CFAP53: variants seen among roughly 807,000 people sequenced by gnomAD.
CFAP53 encodes cilia- and flagella-associated protein 53.
In CFAP53, 62 loss-of-function variants were observed where a neutral mutation model predicts 59.7. The ratio of observed to expected loss-of-function variants is 1.04; its 90% CI spans 0.85 to 1.28. The LOEUF (loss-of-function observed/expected upper bound fraction) is 1.28, where lower values mean the gene tolerates loss of function less well. CFAP53 is among the 50% of genes most tolerant of loss of function. The probability of loss-of-function intolerance (pLI) is 0.00; values close to 1 mark genes in which losing one functional copy is unlikely to be tolerated. For missense variants in CFAP53, 629 were observed against 615.6 expected (o/e 1.02, Z -0.23); for synonymous variants, 218 against 205.7 (o/e 1.06, Z -0.51).
At chr18:50,228,941 A>T (rs2033553451) in intron 7 of CFAP53, among the ~76,000 whole-genome samples, 1 of 152,166 alleles carries the variant, frequency 6.6e-6, no homozygotes, top group African/African-American at 2.4e-5. Context: ...CTGTACAAAA[A>T]AATAAAAAAC....
intron 4 of CFAP53, among the ~76,000 whole-genome samples, 191 bp from the exon 5 acceptor site, chr18:50,251,167 A>G (rs1039074284): frequency 1.3e-5 from 2 of 152,244 alleles, no homozygotes; most frequent in African/African-American, 4.8e-5. Flanking sequence ...TTGCCTGGGC[A>G]TGTGTGATTA....
At chr18:50,242,673 A>C (rs182164893) in intron 6 of CFAP53, among the ~76,000 whole-genome samples, 125 of 152,314 alleles carry the variant, frequency 8.2e-4, no homozygotes, top group African/African-American at 2.8e-3. Context: ...CAAATGATGT[A>C]CTGTTCCTTT....
chr18:50,261,381 TG>T (rs1411414955), intron 2 of CFAP53, 144 bp from the exon 3 acceptor site: 2 of 992,710 alleles, frequency 2.0e-6, no homozygotes, highest in Non-Finnish European at 2.7e-6. Flanking sequence ...CTGGTTGGTT[TG>T]TTTTTTTGTT....
intron 7 of CFAP53, among the ~76,000 whole-genome samples, chr18:50,237,628 C>T (rs1485342449): frequency 7.9e-5 from 12 of 151,778 alleles, no homozygotes; most frequent in South Asian, 2.1e-4. Context: ...TCAGAGAAGC[C>T]GGGTCCTCTT....
intron 5 of CFAP53, among the ~76,000 whole-genome samples, chr18:50,244,681 A>T (rs919226298): frequency 6.6e-6 from 1 of 152,144 alleles, no homozygotes; most frequent in South Asian, 2.1e-4. Flanking sequence ...AAAGAGCATG[A>T]CAGCCCACTT....
chr18:50,266,430 C>T lies in CFAP53; in HGVS notation c.-26G>A, dbSNP rs758737866. The stretch of plus-strand genomic sequence containing the variant: ...TTTCGAGTCCCCTTCGGGACGGGGG[C>T]GGCGTCCGCCGCGTTTCCCCCAACC... On this transcript the variant is annotated 5_prime_UTR_variant, in exon 1 of 8. Transcript: ENST00000398545. The T allele has an allele frequency of 1.2e-6, 2 of 1,611,998 alleles. No homozygotes were observed. Among genetic ancestry groups the T allele is most frequent in the East Asian group, 2.2e-5 (1 of 44,886 alleles).
chr18:50,251,126 C>G (rs973338257), intron 4 of CFAP53, 150 bp from the exon 5 acceptor site: 50 of 693,230 alleles, frequency 7.2e-5, no homozygotes, highest in Non-Finnish European at 1.2e-4. Flanking sequence ...CCTTCCTTTT[C>G]GTAGCTGAGT....
At position 50,250,942 on chromosome 18, in the gene CFAP53, T is replaced by A. The variant is rs1274816833; in HGVS notation, c.812A>T (p.Glu271Val). 6.2e-7 allele frequency: 1 copy of A among 1,614,184 alleles called. No individual in the cohort carries two copies. Among genetic ancestry groups the A allele is most frequent in the Admixed American group, 1.7e-5 (1 of 60,026 alleles). The change falls in exon 5 of 8, where the codon GAA becomes GTA. Residue 271 changes from glutamate to valine, a missense_variant. Glu to Val is a moderately radical substitution (Grantham distance 121). Transcript: ENST00000398545. ...CTTCTGTTTCTTTAGCATATCCTGT[T>A]CATTCTCATGTTTAATCTGTGCGTT... is the stretch of plus-strand genomic sequence containing the variant. ...SNNAQIKHENEQDMLKKQKAK... is the reference protein window; with the variant it reads ...SNNAQIKHENVQDMLKKQKAK...
At position 50,250,838 on chromosome 18, in the gene CFAP53, C is replaced by A; in HGVS notation, c.916G>T (p.Glu306Ter). The change falls in exon 5 of 8, where the codon GAA (glutamate) becomes TAA (stop). Residue 306 changes from glutamate to a stop codon, truncating the protein, a stop_gained. Coordinates refer to ENST00000398545, the MANE Select transcript of CFAP53 (RefSeq NM_145020.5). LOFTEE classifies it high-confidence loss of function. ...IEHIQQEYRD[E>*]QDLNMKLVQR... is the part of the protein sequence containing the mutation. ...ACGAGCTTCATGTTCAAGTCCTGTT[C>A]GTCTCTGTATTCCTGCTGAATATGT... is the stretch of plus-strand genomic sequence containing the variant. 6.2e-7 allele frequency: 1 copy of A among 1,614,152 alleles called. No homozygotes were observed. The highest frequency in any genetic ancestry group is 8.5e-7 in the Non-Finnish European group (1 of 1,179,998).
At chr18:50,228,910 G>T (rs1199821935) in intron 7 of CFAP53, among the ~76,000 whole-genome samples, 1 of 151,970 alleles carries the variant, frequency 6.6e-6, no homozygotes, top group African/African-American at 2.4e-5. Context: ...GACCAGCCTG[G>T]GCAACATAGG....
Position 50,244,811 on chromosome 18 carries a change from A to G in CFAP53, c.997-1695T>C, listed in dbSNP as rs1455030558. On this transcript the variant is annotated intron_variant, in intron 5 of 7. Coordinates refer to ENST00000398545, the MANE Select transcript of CFAP53 (RefSeq NM_145020.5). ...CATGGTGGCTCATGCCTGTAATCCCAGCACTTTCGGAGGCTGAGGTGGGCA... is the reference window on the plus strand; with the variant it reads ...CATGGTGGCTCATGCCTGTAATCCCGGCACTTTCGGAGGCTGAGGTGGGCA... Among the ~76,000 whole-genome samples, 7 of 152,280 alleles carry G rather than the reference A, an allele frequency of 4.6e-5. No homozygotes were observed. In the East Asian group the frequency reaches 1.4e-3, roughly 29 times the overall value.
intron 6 of CFAP53, among the ~76,000 whole-genome samples, chr18:50,239,100 G>A (rs1364359193): frequency 1.3e-5 from 2 of 149,496 alleles, no homozygotes; most frequent in Non-Finnish European, 3.0e-5. Flanking sequence ...AATATATAAA[G>A]CTCTTGGCTG....
Position 50,261,100 on chromosome 18 carries a change from T to C in CFAP53, c.437A>G (p.Gln146Arg). 6.2e-7 allele frequency: 1 copy of C among 1,602,158 alleles called. No homozygotes were observed. Among genetic ancestry groups the C allele is most frequent in the South Asian group, 1.2e-5 (1 of 86,914 alleles). The stretch of plus-strand genomic sequence containing the variant: ...GTCTAGCTTTTCAGCCACAAAATCC[T>C]GCCTCTCTTTTTCATTCTTCTCTTT... ...LLKEKNEKER[Q>R]DFVAEKLDQQ... The change falls in exon 3 of 8, where the codon CAG becomes CGG. Residue 146 changes from glutamine (Q) to arginine (R), a missense_variant. Coordinates refer to ENST00000398545, the MANE Select transcript of CFAP53 (RefSeq NM_145020.5).
chr18:50,242,985 G>C lies in CFAP53; in HGVS notation c.1128C>G (p.Asp376Glu). 6.2e-7 allele frequency: 1 copy of C among 1,613,934 alleles called. No individual in the cohort carries two copies. Among genetic ancestry groups the C allele is most frequent in the Non-Finnish European group, 8.5e-7 (1 of 1,179,988 alleles). ...EDKAKKLAEK[D>E]KELRLEKEAR... The stretch of plus-strand genomic sequence containing the variant: ...CCTCCTTTTCAAGTCTCAGCTCCTT[G>C]TCCTTCTCAGCCAACTTCTTTGCCT... The change falls in exon 6 of 8, where the codon GAC becomes GAG. Residue 376 changes from aspartate (D) to glutamate (E), a missense_variant. Asp to Glu is a conservative substitution (Grantham distance 45, BLOSUM62 2). Transcript: ENST00000398545.
At chr18:50,261,355 C>T (rs764227583) in intron 2 of CFAP53, 118 bp from the exon 3 acceptor site, 139 of 1,149,158 alleles carry the variant, frequency 1.2e-4, no homozygotes, top group Middle Eastern at 6.0e-4. Flanking sequence ...TCACTGCAGT[C>T]TTCCACAGAA....
intron 7 of CFAP53, among the ~76,000 whole-genome samples, chr18:50,236,427 T>A (rs2033634192): frequency 6.6e-6 from 1 of 152,242 alleles, no homozygotes; most frequent in South Asian, 2.1e-4. Context: ...TCTATCTCCA[T>A]CTCCTTGAAT....
intron 5 of CFAP53, 57 bp downstream of exon 5, chr18:50,250,701 G>A: frequency 7.2e-7 from 1 of 1,384,680 alleles, no homozygotes; most frequent in South Asian, 1.2e-5. Context: ...CCACAAGACT[G>A]AGAACTCAGT....
chr18:50,246,381 A>C (rs1160853520), intron 5 of CFAP53, among the ~76,000 whole-genome samples: 1 of 152,230 alleles, frequency 6.6e-6, no homozygotes, highest in African/African-American at 2.4e-5. Context: ...GAACAATTAG[A>C]GAATTATTTC....
chr18:50,247,270 C>T (rs74913825), intron 5 of CFAP53, among the ~76,000 whole-genome samples: 2,277 of 152,196 alleles, frequency 0.015, 31 homozygotes, highest in South Asian at 0.043. Flanking sequence ...AATTCAGATG[C>T]ATTAGGCTGG....
Sources: gnomAD v4.1 joint callset for allele counts (sites outside exome capture counted in the v4.1 genomes callset) on GRCh38, gnomAD v4.1.1 for gene constraint, MANE v1.5 for transcripts, NCBI Gene and HGNC (gene_info 2026-07-23, HGNC 2026-07-21) for gene names.